The following ATP6V0A4 variants were observed in gnomAD, a reference collection of about 807,000 sequenced individuals.
ATP6V0A4 encodes ATPase H+ transporting V0 subunit a4, also known as V-type proton ATPase 116 kDa subunit a 4.
ATP6V0A4 carries 86 observed loss-of-function variants against 107.3 expected under a neutral mutation model. That is an observed-to-expected ratio of 0.80 (90% confidence interval 0.67 to 0.96). The LOEUF (loss-of-function observed/expected upper bound fraction) is 0.96, where lower values mean the gene tolerates loss of function less well. Among genes scored for constraint, ATP6V0A4 ranks in the 40% least tolerant of loss-of-function variants. The probability of loss-of-function intolerance (pLI) is 0.00; values close to 1 mark genes in which losing one functional copy is unlikely to be tolerated. For missense variants in ATP6V0A4, 908 were observed against 1,045.6 expected (o/e 0.87, Z 1.81); for synonymous variants, 353 against 381.4 (o/e 0.93, Z 0.87).
At position 138,768,772 on chromosome 7, in the gene ATP6V0A4, G is replaced by T; in HGVS notation, c.291+8C>A. On this transcript the variant is annotated splice_region_variant and intron_variant, in intron 5 of 21. Transcript: ENST00000310018. Reference sequence around the variant, plus strand: ...TACCTGGGGAGGCCAGCAAAGTGGAGAACTTACCTCCAGGGTAATCATTTC... The same window carrying T: ...TACCTGGGGAGGCCAGCAAAGTGGATAACTTACCTCCAGGGTAATCATTTC... 6.2e-7 allele frequency: 1 copy of T among 1,614,094 alleles called. No individual in the cohort carries two copies. The highest frequency in any genetic ancestry group is 8.5e-7 in the Non-Finnish European group (1 of 1,180,002).
At chr7:138,724,189 C>CAA (rs3080498) in intron 18 of ATP6V0A4, among the ~76,000 whole-genome samples, 1,615 of 92,778 alleles carry the variant, frequency 0.017, 59 homozygotes, top group African/African-American at 0.06. Context: ...GACTCTGCCT[C>CAA]AAAAAAAAAA....
chr7:138,796,077 T>C (rs1808643974), intron 1 of ATP6V0A4, among the ~76,000 whole-genome samples: 1 of 152,170 alleles, frequency 6.6e-6, no homozygotes, highest in Non-Finnish European at 1.5e-5. Context: ...AAATCAGTCC[T>C]GCCCTGTGAA....
chr7:138,740,870 C>T (rs905684815), intron 14 of ATP6V0A4, among the ~76,000 whole-genome samples: 1 of 151,186 alleles, frequency 6.6e-6, no homozygotes, highest in Non-Finnish European at 1.5e-5. Context: ...AGGCCTGGTA[C>T]GGTGGCTCAT....
chr7:138,752,591 C>A, intron 11 of ATP6V0A4, 34 bp downstream of exon 11: 1 of 1,610,744 alleles, frequency 6.2e-7, no homozygotes. Context: ...GGGGCTGACT[C>A]ATCGGACCCC....
At chr7:138,718,005 C>CA (rs1804141645) in intron 19 of ATP6V0A4, among the ~76,000 whole-genome samples, 1 of 150,492 alleles carries the variant, frequency 6.6e-6, no homozygotes, top group Admixed American at 6.7e-5. Flanking sequence ...AGTCACGCTG[C>CA]AGTCACAGAT....
chr7:138,756,614 A>G, intron 8 of ATP6V0A4, 74 bp from the exon 9 acceptor site: 1 of 1,551,086 alleles, frequency 6.4e-7, no homozygotes, highest in Non-Finnish European at 8.8e-7. Flanking sequence ...GAGAAATGTA[A>G]AGTCCTGTTT....
chr7:138,733,360 T>C (rs145699915), intron 16 of ATP6V0A4, among the ~76,000 whole-genome samples: 4 of 150,994 alleles, frequency 2.6e-5, no homozygotes, highest in Admixed American at 1.3e-4. Flanking sequence ...AAAGCAAAGG[T>C]CATGCCCACA....
At chr7:138,714,987 A>C (rs1363814739) in intron 20 of ATP6V0A4, among the ~76,000 whole-genome samples, 1 of 152,226 alleles carries the variant, frequency 6.6e-6, no homozygotes, top group East Asian at 1.9e-4. Context: ...GGAGAGTCAC[A>C]GTCAGAGAAA....
chr7:138,734,662 C>T (rs759046142), intron 15 of ATP6V0A4, among the ~76,000 whole-genome samples: 1 of 151,248 alleles, frequency 6.6e-6, no homozygotes, highest in Non-Finnish European at 1.5e-5. Context: ...CCTGTAATCC[C>T]AACTACTCAG....
intron 18 of ATP6V0A4, among the ~76,000 whole-genome samples, chr7:138,728,506 C>T (rs560727983): frequency 7.7e-6 from 1 of 130,038 alleles, no homozygotes; most frequent in African/African-American, 2.9e-5. Flanking sequence ...GGATTACAGG[C>T]GTGGGCTACT....
chr7:138,782,262 G>A (rs1807960226), intron 2 of ATP6V0A4, among the ~76,000 whole-genome samples: 1 of 152,160 alleles, frequency 6.6e-6, no homozygotes, highest in African/African-American at 2.4e-5. Context: ...GGCATTCCTT[G>A]GCTTGGAGAA....
intron 8 of ATP6V0A4, among the ~76,000 whole-genome samples, chr7:138,757,550 T>C (rs58140251): frequency 0.15 from 22,277 of 151,912 alleles, 1,778 homozygotes; most frequent in East Asian, 0.33. Context: ...ACAAAAACTA[T>C]TGTTGGAAAA....
intron 21 of ATP6V0A4, 199 bp from the exon 22 acceptor site, chr7:138,706,916 CAG>C (rs1803402169): frequency 2.9e-6 from 1 of 344,284 alleles, no homozygotes; most frequent in Non-Finnish European, 3.7e-6. Context: ...TTTTTTGAGA[CAG>C]AGTCTTGCTC....
chr7:138,739,823 G>T, intron 14 of ATP6V0A4, 190 bp from the exon 15 acceptor site: 1 of 577,008 alleles, frequency 1.7e-6, no homozygotes, highest in Non-Finnish European at 2.2e-6. Context: ...AGTTTGCAAA[G>T]AGATCTCAGC....
At chr7:138,709,070 G>A (rs1160892727) in intron 21 of ATP6V0A4, among the ~76,000 whole-genome samples, 10 of 152,166 alleles carry the variant, frequency 6.6e-5, no homozygotes, top group African/African-American at 2.4e-4. Context: ...TTAGCTGGGC[G>A]TAGTGGCAGA....
chr7:138,760,153 T>A (rs972485364), intron 7 of ATP6V0A4, among the ~76,000 whole-genome samples: 1 of 152,054 alleles, frequency 6.6e-6, no homozygotes, highest in South Asian at 2.1e-4. Flanking sequence ...ATTAAGAATA[T>A]GATAGAATGG....
chr7:138,759,227 C>CT (rs1291953451), intron 8 of ATP6V0A4, among the ~76,000 whole-genome samples: 1 of 150,880 alleles, frequency 6.6e-6, no homozygotes, highest in Non-Finnish European at 1.5e-5. Context: ...ACTTGGTTAA[C>CT]TTTTTTTTGT....
At position 138,762,929 on chromosome 7, in the gene ATP6V0A4, G is replaced by T; in HGVS notation, c.388C>A (p.Leu130Ile). 1 of 1,614,066 alleles carries T rather than the reference G, an allele frequency of 6.2e-7. No individual in the cohort carries two copies. Among genetic ancestry groups the T allele is most frequent in the African/African-American group, 1.3e-5 (1 of 74,998 alleles). The stretch of plus-strand genomic sequence containing the variant: ...AAGAAGTCTTGGGTTTTCTTCAGGA[G>T]GTATTTCAGTTCTGTCAGTTCTAGG... ...SFLELTELKYLLKKTQDFFET... is the reference protein window; with the variant it reads ...SFLELTELKYILKKTQDFFET... The change falls in exon 6 of 22, where the codon CTC becomes ATC. Residue 130 changes from leucine to isoleucine, a missense_variant. Leu to Ile is a conservative substitution (Grantham distance 5). Transcript: ENST00000310018.
rs985145095 is a variant in ATP6V0A4, at chr7:138,749,085, C to A, written c.1180+82G>T. 7 of 1,553,944 alleles carry A rather than the reference C, an allele frequency of 4.5e-6. No individual in the cohort carries two copies. In the African/African-American group the frequency reaches 9.5e-5, roughly 21 times the overall value. On this transcript the variant is annotated intron_variant, in intron 12 of 21. Coordinates refer to ENST00000310018, the MANE Select transcript of ATP6V0A4 (RefSeq NM_020632.3). ...CCAAGCCTCACAGTTTTAACAAGTT[C>A]ACCACCTCGGTCACCTCAGGGGTCC...
Sources: allele counts gnomAD v4.1 joint callset (sites outside exome capture counted in the v4.1 genomes callset), GRCh38; gene constraint gnomAD v4.1.1; transcripts MANE v1.5; gene names NCBI Gene and HGNC (gene_info 2026-07-23, HGNC 2026-07-21).